The following PANX3 variants were observed in gnomAD, a reference collection of about 807,000 sequenced individuals.
PANX3 encodes the protein pannexin-3.
In PANX3, 18 loss-of-function variants were observed where a neutral mutation model predicts 31.5. The ratio of observed to expected loss-of-function variants is 0.57; its 90% confidence interval spans 0.39 to 0.85. The LOEUF (loss-of-function observed/expected upper bound fraction) is 0.85, where lower values mean the gene tolerates loss of function less well. Among genes scored for constraint, PANX3 ranks in the 40% least tolerant of loss-of-function variants. The pLI is 0.00. For synonymous variants in PANX3, 194 were observed against 201.6 expected, an observed-to-expected ratio of 0.96 and a Z score of 0.32; for missense variants, 426 against 485.4, an observed-to-expected ratio of 0.88 and a Z score of 1.15.
rs1863155427 is a variant in PANX3 at position 124,616,630 on chromosome 11, A to C, written c.325-644A>C. Among the ~76,000 whole-genome samples, 1 of 152,218 alleles carries C rather than the reference A, an allele frequency of 6.6e-6. No homozygotes were observed. Among genetic ancestry groups the C allele is most frequent in the African/African-American group, 2.4e-5 (1 of 41,460 alleles). On this transcript the variant is annotated intron_variant, in intron 2 of 3. Transcript: ENST00000284288. The surrounding 1 kb of genome is among the most constrained non-coding windows in gnomAD (Gnocchi z 4.8). ...AGCAGACAAGGCTTATGGATTCCTG[A>C]AAGTCACTTATAGATTTACATGCCT...
intron 2 of PANX3, among the ~76,000 whole-genome samples, chr11:124,614,670 CTTTTTTTTT>C (rs138365917): frequency 1.0e-5 from 1 of 95,328 alleles, no homozygotes. Flanking sequence ...AACGCCCTTT[CTTTTTTTTT>C]TTTTTTTTTT....
chr11:124,617,354 C>T lies in PANX3; in HGVS notation c.405C>T (p.Ala135=). Residue 135 remains alanine (A), a synonymous_variant, in exon 3 of 4, where the codon GCC becomes GCT. Coordinates refer to ENST00000284288, the MANE Select transcript of PANX3 (RefSeq NM_052959.3). ...VLLWQYAAVP[A]LSSDLLFIIS... ...TGTGGCAGTATGCAGCTGTGCCAGC[C>T]CTCAGCTCCGATCTGCTGTTCATCA... 1 of 1,613,234 alleles carries T rather than the reference C, an allele frequency of 6.2e-7. No individual in the cohort carries two copies. The highest frequency in any genetic ancestry group is 8.5e-7 in the Non-Finnish European group (1 of 1,180,024).
intron 3 of PANX3, among the ~76,000 whole-genome samples, chr11:124,618,036 T>C (rs919096968): frequency 6.6e-6 from 1 of 152,236 alleles, no homozygotes; most frequent in Non-Finnish European, 1.5e-5. Context: ...TACCTACCCA[T>C]GTGGGGCTTA....
At chr11:124,617,599 A>T in intron 3 of PANX3, 111 bp downstream of exon 3, 2 of 1,001,230 alleles carry the variant, frequency 2.0e-6, no homozygotes, top group Non-Finnish European at 3.1e-6. Context: ...AAGAAGGCAA[A>T]GTGCTTAACA....
chr11:124,611,966 A>AAT (rs1863098378), intron 1 of PANX3, among the ~76,000 whole-genome samples: 2 of 152,096 alleles, frequency 1.3e-5, no homozygotes, highest in Non-Finnish European at 1.5e-5. Flanking sequence ...AAAAAAAAAA[A>AAT]AAAAAATTGT....
At chr11:124,618,458 T>C (rs760555753) in intron 3 of PANX3, among the ~76,000 whole-genome samples, 9 of 152,230 alleles carry the variant, frequency 5.9e-5, no homozygotes. Flanking sequence ...CGTATTTGCA[T>C]GTCTTATCTG....
At chr11:124,611,833 A>T (rs1390808197) in intron 1 of PANX3, 96 bp downstream of exon 1, 1 of 1,326,996 alleles carries the variant, frequency 7.5e-7, no homozygotes, top group East Asian at 2.5e-5. Context: ...CAGTGACGGG[A>T]TTCCATGGCT....
chr11:124,619,245 A>G, intron 3 of PANX3, 51 bp from the exon 4 acceptor site: 2 of 1,531,668 alleles, frequency 1.3e-6, no homozygotes, highest in Non-Finnish European at 1.8e-6. Flanking sequence ...CTCTTAGAGT[A>G]TGGTTCTAAA....
In PANX3 at chr11:124,620,271, C is replaced by A. The variant is rs982736424; in HGVS notation, c.*336C>A. On this transcript the variant is annotated 3_prime_UTR_variant, in exon 4 of 4. Coordinates refer to ENST00000284288, the MANE Select transcript of PANX3 (RefSeq NM_052959.3). ...TCCGTTTATGGAGGCAATTCCATAT[C>A]CTTTCTTGAACGCACATTCAGCTTA... 1 of 203,474 alleles carries A rather than the reference C, an allele frequency of 4.9e-6. No homozygotes were observed. The highest frequency in any genetic ancestry group is 9.7e-6 in the Non-Finnish European group (1 of 102,670). 12.6% of individuals were successfully genotyped at this position (203,474 alleles called of 1,614,324 possible).
rs377632985 is a variant in PANX3, at chr11:124,619,348, T to C, written c.592T>C (p.Cys198Arg). ...CCCTTTGCTAGAGCGGTACCTGGCA[T>C]GTAAGCAGCGTTCACATTCGCTAGT... Reference protein sequence around the residue: ...EFPLLERYLACKQRSHSLVAT... With the variant: ...EFPLLERYLARKQRSHSLVAT... The change falls in exon 4 of 4, where the codon TGT becomes CGT. Residue 198 changes from cysteine (C) to arginine (R), a missense_variant. Coordinates refer to ENST00000284288, the MANE Select transcript of PANX3 (RefSeq NM_052959.3). 4.0e-5 allele frequency: 64 copies of C among 1,614,080 alleles called. No homozygotes were observed. The highest frequency in any genetic ancestry group is 5.3e-5 in the Non-Finnish European group (63 of 1,180,030).
chr11:124,618,233 G>T (rs773534066), intron 3 of PANX3, among the ~76,000 whole-genome samples: 3 of 152,128 alleles, frequency 2.0e-5, no homozygotes, highest in African/African-American at 7.2e-5. Flanking sequence ...AGACAATTGC[G>T]CTAACATTTG....
In PANX3 at chr11:124,619,719, T is replaced by C; in HGVS notation, c.963T>C (p.Cys321=). 1 of 1,614,196 alleles carries C rather than the reference T, an allele frequency of 6.2e-7. No homozygotes were observed. The highest frequency in any genetic ancestry group is 8.5e-7 in the Non-Finnish European group (1 of 1,180,036). Residue 321 remains cysteine, a synonymous_variant, in exon 4 of 4, where the codon TGT becomes TGC. Coordinates refer to ENST00000284288, the MANE Select transcript of PANX3 (RefSeq NM_052959.3). ...FDLLSRKMLG[C]PINDLNVILL... is the part of the protein sequence containing the mutation. ...TCCTCAGCAGAAAGATGCTAGGATG[T>C]CCCATCAATGACCTCAATGTGATCC...
At chr11:124,614,167 TAAAAAAAAAAA>T (rs71042444) in intron 2 of PANX3, among the ~76,000 whole-genome samples, 2 of 73,478 alleles carry the variant, frequency 2.7e-5, no homozygotes, top group East Asian at 4.0e-4. Context: ...ATCTAAATGG[TAAAAAAAAAAA>T]AAAAAAAAAA....
At position 124,613,084 on chromosome 11, in the gene PANX3, C is replaced by A. The variant is rs1319418250; in HGVS notation, c.286C>A (p.Pro96Thr). The A allele has an allele frequency of 1.9e-6, 3 of 1,614,022 alleles. No homozygotes were observed. The highest frequency in any genetic ancestry group is 2.5e-6 in the Non-Finnish European group (3 of 1,180,030). ...ACTGCTTCACCATAAGCAGGACGGG[C>A]CTGGCCAGGACAAAATGAAATCTCT... ...DSLLHHKQDG[P>T]GQDKMKSLWP... The change falls in exon 2 of 4, where the codon CCT (proline) becomes ACT (threonine). Residue 96 changes from proline (P) to threonine (T), a missense_variant. Physicochemically the swap from Pro to Thr is conservative, Grantham distance 38 (BLOSUM62 -1). Transcript: ENST00000284288.
At position 124,616,013 on chromosome 11, in the gene PANX3, C is replaced by CAAAA. The variant is rs1863150110; in HGVS notation, c.325-1259_325-1258insAAAA. Among the ~76,000 whole-genome samples the CAAAA allele has an allele frequency of 6.6e-6, 1 of 151,800 alleles. No individual in the cohort carries two copies. Among genetic ancestry groups the CAAAA allele is most frequent in the Non-Finnish European group, 1.5e-5 (1 of 67,982 alleles). On this transcript the variant is annotated intron_variant, in intron 2 of 3. Transcript: ENST00000284288. This position sits in a 1 kb window ranked among gnomAD's most constrained non-coding sequence, Gnocchi z 4.8. ...TGGGCAAGAGAGCGAGACTCAATCT[C>CAAAA]AATAAATAAATAAATAAATAAATAA...
intron 2 of PANX3, among the ~76,000 whole-genome samples, chr11:124,615,630 G>A (rs571841346): frequency 3.3e-5 from 5 of 152,260 alleles, no homozygotes; most frequent in African/African-American, 1.2e-4. Context: ...GTAAAATAGA[G>A]ATACTAAATT....
intron 2 of PANX3, 88 bp downstream of exon 2, chr11:124,613,210 C>T: frequency 6.8e-7 from 1 of 1,473,134 alleles, no homozygotes; most frequent in Non-Finnish European, 9.1e-7. Context: ...CCTCTATCCC[C>T]ACCACCCCTA....
In PANX3 at chr11:124,616,726, T is replaced by C. The variant is rs1863156513; in HGVS notation, c.325-548T>C. Among the ~76,000 whole-genome samples, 1 of 152,150 alleles carries C rather than the reference T, an allele frequency of 6.6e-6. No homozygotes were observed. Among genetic ancestry groups the C allele is most frequent in the Non-Finnish European group, 1.5e-5 (1 of 68,026 alleles). On this transcript the variant is annotated intron_variant, in intron 2 of 3. Transcript: ENST00000284288. The surrounding 1 kb of genome is among the most constrained non-coding windows in gnomAD (Gnocchi z 4.8). The stretch of plus-strand genomic sequence containing the variant: ...TTTGGCATTACCAAGAATCCAAAAA[T>C]CAGAAAAGACCACTGTGCATCAGAC...
In PANX3 at chr11:124,613,647, C is replaced by T. The variant is rs563621798; in HGVS notation, c.324+525C>T. 3.3e-5 allele frequency among the ~76,000 whole-genome samples: 5 copies of T among 152,302 alleles called. No individual in the cohort carries two copies. The East Asian group carries it at 9.7e-4, about 29-fold the overall frequency. ...TCTCTCCAGGGAGTAACCGTCAAGC[C>T]TCTGTTAGGGGAGGGAAAGAGGAGC... On this transcript the variant is annotated intron_variant, in intron 2 of 3. Coordinates refer to ENST00000284288, the MANE Select transcript of PANX3 (RefSeq NM_052959.3).
Sources: gnomAD v4.1 joint callset for allele counts (sites outside exome capture counted in the v4.1 genomes callset) on GRCh38, gnomAD v4.1.1 for gene constraint, Gnocchi (gnomAD v3.1) non-coding constraint, MANE v1.5 for transcripts, NCBI Gene and HGNC (gene_info 2026-07-23, HGNC 2026-07-21) for gene names.